The following NGLY1 variants were observed in gnomAD, a reference collection of about 807,000 sequenced individuals.
The protein encoded by NGLY1 is N-glycanase 1.
Under a neutral mutation model 84.6 loss-of-function variants are expected in NGLY1, and 68 were observed. The ratio of observed to expected loss-of-function variants is 0.80; its 90% CI spans 0.66 to 0.98. NGLY1 has a LOEUF of 0.98. Among genes scored for constraint, NGLY1 ranks in the 50% least tolerant of loss-of-function variants. NGLY1 has a pLI of 0.00. For missense variants in NGLY1, 779 were observed against 770.2 expected (o/e 1.01, Z -0.14); for synonymous variants, 280 against 275.2 (o/e 1.02, Z -0.17).
At chr3:25,757,290 G>C (rs1410497838) in intron 3 of NGLY1, among the ~76,000 whole-genome samples, 2 of 152,092 alleles carry the variant, frequency 1.3e-5, no homozygotes, top group African/African-American at 4.8e-5. Context: ...TGTTCTCAGG[G>C]AGGAAGCAAG....
intron 9 of NGLY1, among the ~76,000 whole-genome samples, chr3:25,730,748 T>C (rs1705498952): frequency 6.6e-6 from 1 of 152,156 alleles, no homozygotes; most frequent in Non-Finnish European, 1.5e-5. Flanking sequence ...ATTCACTCCT[T>C]TAAAACATAT....
At chr3:25,751,842 C>G (rs1464313026) in intron 3 of NGLY1, among the ~76,000 whole-genome samples, 1 of 152,218 alleles carries the variant, frequency 6.6e-6, no homozygotes, top group Non-Finnish European at 1.5e-5. Flanking sequence ...AGCTAATTAT[C>G]TCGGCTTCTC....
At chr3:25,787,035 A>C (rs2125335815), upstream of NGLY1, among the ~76,000 whole-genome samples, 1 of 152,374 alleles carries the variant, frequency 6.6e-6, no homozygotes, top group East Asian at 1.9e-4. Flanking sequence ...CATCAGCAGG[A>C]AACTTGTCAG....
At chr3:25,761,305 C>G (rs1559550233) in intron 3 of NGLY1, among the ~76,000 whole-genome samples, 2 of 152,070 alleles carry the variant, frequency 1.3e-5, no homozygotes, top group Non-Finnish European at 2.9e-5. Flanking sequence ...AAGCTGGAAA[C>G]ATAATGCTTC....
chr3:25,755,738 ACTGAACTAGAATATTCTAGATCTT>A (rs1039128230), intron 3 of NGLY1: 2 of 1,010,972 alleles, frequency 2.0e-6, no homozygotes, highest in Non-Finnish European at 2.9e-6. Flanking sequence ...AGCCCAATAT[ACTGAACTAGAATATTCTAGATCTT>A]CTCGTTTTAC....
chr3:25,746,005 G>A (rs1384808049), intron 4 of NGLY1, among the ~76,000 whole-genome samples: 1 of 152,110 alleles, frequency 6.6e-6, no homozygotes, highest in African/African-American at 2.4e-5. Flanking sequence ...AACCTTATTA[G>A]AAATATGCTT....
Position 25,724,021 on chromosome 3 carries a change from A to G in NGLY1, c.1612-3830T>C, listed in dbSNP as rs138937282. Among the ~76,000 whole-genome samples the G allele has an allele frequency of 2.5e-3, 374 of 152,318 alleles. 2 individuals carry two copies. Among genetic ancestry groups the G allele is most frequent in the Non-Finnish European group, 3.7e-3 (254 of 68,022 alleles). ...CTACGGTTTAGGCATAAGCCATACT[A>G]TTCACAATATATAAAAATAGAACTT... On this transcript the variant is annotated intron_variant, in intron 10 of 11. Transcript: ENST00000280700.
intron 4 of NGLY1, among the ~76,000 whole-genome samples, chr3:25,747,909 C>A (rs1706520421): frequency 6.6e-6 from 1 of 152,184 alleles, no homozygotes; most frequent in African/African-American, 2.4e-5. Flanking sequence ...GAGGTCCCCA[C>A]ACTTCTGTGC....
At chr3:25,740,546 A>T (rs922828250) in intron 4 of NGLY1, among the ~76,000 whole-genome samples, 1 of 152,196 alleles carries the variant, frequency 6.6e-6, no homozygotes, top group Admixed American at 6.5e-5. Flanking sequence ...AAACAGAGTG[A>T]TAATAAAACA....
intron 2 of NGLY1, among the ~76,000 whole-genome samples, chr3:25,772,013 T>C (rs1707919414): frequency 6.6e-6 from 1 of 152,162 alleles, no homozygotes; most frequent in Non-Finnish European, 1.5e-5. Context: ...ATTTTGATGT[T>C]CTTGATTTCT....
chr3:25,752,664 A>G (rs907986748), intron 3 of NGLY1, among the ~76,000 whole-genome samples: 2 of 151,634 alleles, frequency 1.3e-5, no homozygotes, highest in African/African-American at 2.4e-5. Flanking sequence ...AAAAAAATTA[A>G]GTAGTCAAGC....
At chr3:25,730,304 A>G (rs967463371) in intron 9 of NGLY1, 1 of 152,038 alleles carries the variant, frequency 6.6e-6, no homozygotes, top group Admixed American at 6.6e-5. Context: ...ATGTTTTTCT[A>G]TTTACTTTTA....
chr3:25,750,276 C>T (rs1377756190), intron 4 of NGLY1, among the ~76,000 whole-genome samples: 1 of 152,138 alleles, frequency 6.6e-6, no homozygotes, highest in Non-Finnish European at 1.5e-5. Context: ...ACTGGTCCCA[C>T]CCTTGACACA....
intron 4 of NGLY1, chr3:25,749,615 G>A (rs561102079): frequency 4.1e-6 from 6 of 1,459,298 alleles, no homozygotes; most frequent in East Asian, 2.3e-5. Context: ...AGGTATTGAC[G>A]ACAGGGTTCA....
chr3:25,739,934 C>A, intron 4 of NGLY1, 135 bp from the exon 5 acceptor site: 1 of 659,980 alleles, frequency 1.5e-6, no homozygotes, highest in Middle Eastern at 4.2e-4. Context: ...TAATAAGAGG[C>A]AAGAAGAAAC....
In NGLY1 at chr3:25,764,323, A is replaced by G. The variant is rs376313309; in HGVS notation, c.247-12T>C. On this transcript the variant is annotated splice_polypyrimidine_tract_variant and intron_variant, in intron 2 of 11. Transcript: ENST00000280700. ...AGATGTGTTTCTCCCTGGAATTTAT[A>G]AAATTAAAAAAAATGTGAACCTTTG... 2 of 1,603,136 alleles carry G rather than the reference A, an allele frequency of 1.2e-6. No individual in the cohort carries two copies. Among genetic ancestry groups the G allele is most frequent in the Non-Finnish European group, 1.7e-6 (2 of 1,175,866 alleles).
intron 4 of NGLY1, among the ~76,000 whole-genome samples, chr3:25,744,031 A>C (rs1706294258): frequency 6.6e-6 from 1 of 152,218 alleles, no homozygotes; most frequent in Non-Finnish European, 1.5e-5. Flanking sequence ...TAAGACTTCA[A>C]ATTTCTAAAG....
intron 3 of NGLY1, among the ~76,000 whole-genome samples, chr3:25,757,277 GA>G (rs1707089855): frequency 6.6e-6 from 1 of 152,136 alleles, no homozygotes; most frequent in Non-Finnish European, 1.5e-5. Flanking sequence ...ATCATTACTT[GA>G]ATGTTCTCAG....
chr3:25,773,636 T>C (rs575684630), intron 2 of NGLY1, among the ~76,000 whole-genome samples: 1 of 152,320 alleles, frequency 6.6e-6, no homozygotes, highest in Admixed American at 6.5e-5. Flanking sequence ...TTCTTCTTGG[T>C]TTGGATCCAT....
Sources: allele counts gnomAD v4.1 joint callset (sites outside exome capture counted in the v4.1 genomes callset), GRCh38; gene constraint gnomAD v4.1.1; transcripts MANE v1.5; gene names NCBI Gene and HGNC (gene_info 2026-07-23, HGNC 2026-07-21).